The following TERT variants were observed in gnomAD, a reference collection of about 807,000 sequenced individuals.
TERT encodes the protein telomerase catalytic subunit.
TERT carries 42 observed loss-of-function variants against 104.0 expected under a neutral mutation model. The observed-to-expected ratio is 0.40, with a 90% CI of 0.32 to 0.52. The LOEUF is 0.52. Among genes scored for constraint, TERT ranks in the 20% least tolerant of loss-of-function variants. The pLI is 0.43. For synonymous variants in TERT, 781 were observed against 725.6 expected, an observed-to-expected ratio of 1.08 and a Z score of -1.23; for missense variants, 1,101 against 1,610.3, an observed-to-expected ratio of 0.68 and a Z score of 5.41.
In TERT at chr5:1,253,368, G is replaced by A. The variant is rs1747464263; in HGVS notation, c.*360C>T. On this transcript the variant is annotated 3_prime_UTR_variant, in exon 16 of 16. Transcript: ENST00000310581. Reference sequence around the variant, plus strand: ...GATGGTGGGGGTGGAAGGCAAAGGAGGGCAGGGCGAGGGGTGAACAATGGC... The same window carrying A: ...GATGGTGGGGGTGGAAGGCAAAGGAAGGCAGGGCGAGGGGTGAACAATGGC... 5 of 434,310 alleles carry A rather than the reference G, an allele frequency of 1.2e-5. No homozygotes were observed. Among genetic ancestry groups the A allele is most frequent in the Non-Finnish European group, 1.7e-5 (4 of 234,398 alleles). The allele number at this position is 434,310 out of a possible 1,614,324, so 26.9% of individuals were successfully genotyped here.
chr5:1,284,523 C>T (rs72491339), intron 2 of TERT, among the ~76,000 whole-genome samples: 12,686 of 93,380 alleles, frequency 0.14, no homozygotes, highest in East Asian at 0.19. Flanking sequence ...TCCAGACCTG[C>T]ACCATCCAGA....
At chr5:1,258,164 G>T (rs2126571872) in intron 13 of TERT, among the ~76,000 whole-genome samples, 1 of 152,320 alleles carries the variant, frequency 6.6e-6, no homozygotes, top group East Asian at 1.9e-4. Context: ...CCTTCCCGGG[G>T]GTGGGGCCAG....
chr5:1,294,034 A>AGAG lies in TERT; in HGVS notation c.849_851dup (p.Ser284dup). On this transcript the variant is annotated inframe_insertion, in exon 2 of 16. Coordinates refer to ENST00000310581, the MANE Select transcript of TERT (RefSeq NM_198253.3). ...GCGTGCCAGAGAGCGCACCCTCCAA[A>AGAG]GAGGTGGCTTCTTCGGCGGGTCTGG... 1 of 1,600,348 alleles carries AGAG rather than the reference A, an allele frequency of 6.2e-7. No homozygotes were observed. Among genetic ancestry groups the AGAG allele is most frequent in the Non-Finnish European group, 8.5e-7 (1 of 1,175,006 alleles).
chr5:1,294,154 A>C lies in TERT; in HGVS notation c.732T>G (p.Pro244=). ...LPKRPRRGAA[P]EPERTPVGQG... is the part of the protein sequence containing the mutation. ...GCCCAACGGGCGTCCGCTCCGGCTC[A>C]GGGGCAGCGCCACGCCTGGGCCTCT... The change falls in exon 2 of 16, where the codon CCT becomes CCG. Residue 244 remains proline (P), a synonymous_variant. Transcript: ENST00000310581. 1 of 1,581,844 alleles carries C rather than the reference A, an allele frequency of 6.3e-7. No homozygotes were observed. Among genetic ancestry groups the C allele is most frequent in the Non-Finnish European group, 8.6e-7 (1 of 1,166,986 alleles).
intron 6 of TERT, 95 bp from the exon 7 acceptor site, chr5:1,272,375 G>T: frequency 1.8e-6 from 2 of 1,118,900 alleles, no homozygotes; most frequent in Non-Finnish European, 2.7e-6. Context: ...TGGACCTGCG[G>T]CCAAGCCCGA....
chr5:1,281,749 C>T (rs2126647918), intron 3 of TERT, among the ~76,000 whole-genome samples: 1 of 152,266 alleles, frequency 6.6e-6, no homozygotes, highest in Middle Eastern at 3.4e-3. Flanking sequence ...CCTCTCATGA[C>T]CTAAATCCAA....
chr5:1,257,171 G>A lies in TERT; in HGVS notation c.3032+1427C>T, dbSNP rs542699249. On this transcript the variant is annotated intron_variant, in intron 13 of 15. Transcript: ENST00000310581. The surrounding 1 kb of genome is among the most constrained non-coding windows in gnomAD (Gnocchi z 5.6). Reference sequence around the variant, plus strand: ...GTCCCCACATGGGTGGGGAAACTCAGCCGCCCTGCCCTGAGCCCAGGCCCT... The same window carrying A: ...GTCCCCACATGGGTGGGGAAACTCAACCGCCCTGCCCTGAGCCCAGGCCCT... Among the ~76,000 whole-genome samples the A allele has an allele frequency of 5.3e-5, 8 of 152,176 alleles. No homozygotes were observed. Among genetic ancestry groups the A allele is most frequent in the Non-Finnish European group, 8.8e-5 (6 of 68,024 alleles).
Position 1,264,441 on chromosome 5 carries a change from C to G in TERT, c.2806G>C (p.Asp936His). 1.2e-6 allele frequency: 2 copies of G among 1,613,614 alleles called. No individual in the cohort carries two copies. Among genetic ancestry groups the G allele is most frequent in the Non-Finnish European group, 1.7e-6 (2 of 1,180,010 alleles). ...CTCTGCACCTCCAGGGTCCGGGTATCCAGCAGCAGGCCGCACCAGGGGAAT... is the reference window on the plus strand; with the variant it reads ...CTCTGCACCTCCAGGGTCCGGGTATGCAGCAGCAGGCCGCACCAGGGGAAT... ...GLFPWCGLLL[D>H]TRTLEVQSDY... Residue 936 changes from aspartate (D) to histidine (H), a missense_variant, in exon 11 of 16, where the codon GAT becomes CAT. Asp to His is a moderately conservative substitution (Grantham distance 81, BLOSUM62 -1). Around this residue, in one of 5 missense-constraint regions of TERT, gnomAD observed 463 missense variants for 797.5 expected, o/e 0.58. Transcript: ENST00000310581.
In TERT at chr5:1,294,109, C is replaced by A. The variant is rs746036694; in HGVS notation, c.777G>T (p.Pro259=). Residue 259 remains proline, a synonymous_variant, in exon 2 of 16, where the codon CCG becomes CCT. Coordinates refer to ENST00000310581, the MANE Select transcript of TERT (RefSeq NM_198253.3). ...GGTCACTCGGTCCACGCGTCCTGCC[C>A]GGGTGGGCCCAGGACCCCTGCCCAA... The part of the protein sequence containing the change: ...TPVGQGSWAH[P]GRTRGPSDRG... 4 of 1,585,246 alleles carry A rather than the reference C, an allele frequency of 2.5e-6. No homozygotes were observed. Among genetic ancestry groups the A allele is most frequent in the African/African-American group, 2.7e-5 (2 of 74,200 alleles).
intron 7 of TERT, among the ~76,000 whole-genome samples, 194 bp downstream of exon 7, chr5:1,271,991 C>T (rs370694145): frequency 3.9e-5 from 6 of 152,276 alleles, no homozygotes; most frequent in African/African-American, 1.4e-4. Context: ...TGCCTGAATG[C>T]AGCAGCTGTC....
In TERT at chr5:1,262,496, C is replaced by G. The variant is rs1183833076; in HGVS notation, c.2844-1896G>C. On this transcript the variant is annotated intron_variant, in intron 11 of 15. Transcript: ENST00000310581. This position sits in a 1 kb window ranked among gnomAD's most constrained non-coding sequence, Gnocchi z 5.6. ...CTGTTTTCTTCTCCCAGATGCCCTT[C>G]AAGCCTCTGCTGTATACTTCAGACA... Among the ~76,000 whole-genome samples the G allele has an allele frequency of 6.6e-6, 1 of 152,234 alleles. No individual in the cohort carries two copies. The highest frequency in any genetic ancestry group is 1.5e-5 in the Non-Finnish European group (1 of 68,044).
At chr5:1,254,344 G>T in intron 15 of TERT, 24 bp downstream of exon 15, 1 of 1,612,916 alleles carries the variant, frequency 6.2e-7, no homozygotes. Context: ...GGTGGGGCCC[G>T]CACTGGCCTC....
At chr5:1,254,294 G>A in intron 15 of TERT, 74 bp downstream of exon 15, 1 of 1,602,930 alleles carries the variant, frequency 6.2e-7, no homozygotes, top group Middle Eastern at 1.7e-4. Context: ...ATCTGAGGCT[G>A]CTCGCCCCAC....
Position 1,293,911 on chromosome 5 carries a change from G to T in TERT, c.975C>A (p.Tyr325Ter). The T allele has an allele frequency of 6.5e-7, 1 of 1,542,048 alleles. No individual in the cohort carries two copies. The highest frequency in any genetic ancestry group is 8.7e-7 in the Non-Finnish European group (1 of 1,147,122). Residue 325 changes from tyrosine to a stop codon, truncating the protein, a stop_gained, in exon 2 of 16, where the codon TAC (tyrosine) becomes TAA (stop). Coordinates refer to ENST00000310581, the MANE Select transcript of TERT (RefSeq NM_198253.3). LOFTEE classifies it high-confidence loss of function. ...RPWDTPCPPV[Y>*]AETKHFLYSS... ...AGTAGAGGAAGTGCTTGGTCTCGGC[G>T]TACACCGGGGGACAAGGCGTGTCCC...
At chr5:1,272,121 G>C in intron 7 of TERT, 64 bp downstream of exon 7, 1 of 1,323,982 alleles carries the variant, frequency 7.6e-7, no homozygotes, top group South Asian at 1.3e-5. Context: ...TGAGCCCAGT[G>C]ATTGCCCAGG....
rs1749428169 is a variant in TERT, at chr5:1,274,755, C to A, written c.2287-2475G>T. ...ACCGGTGCCACTCCACAGCCAGGGG[C>A]CTCGGGATCCCTGCTTTAGAGGGAA... is the stretch of plus-strand genomic sequence containing the variant. On this transcript the variant is annotated intron_variant, in intron 6 of 15. Transcript: ENST00000310581. The surrounding 1 kb of genome is among the most constrained non-coding windows in gnomAD (Gnocchi z 5.3). 6.6e-6 allele frequency among the ~76,000 whole-genome samples: 1 copy of A among 152,224 alleles called. No homozygotes were observed. The highest frequency in any genetic ancestry group is 1.5e-5 in the Non-Finnish European group (1 of 68,044).
chr5:1,294,915 G>A lies in TERT; in HGVS notation c.75C>T (p.Ala25=). 1 of 1,429,816 alleles carries A rather than the reference G, an allele frequency of 7.0e-7. No individual in the cohort carries two copies. The highest frequency in any genetic ancestry group is 9.1e-7 in the Non-Finnish European group (1 of 1,095,788). 88.6% of individuals were successfully genotyped at this position (1,429,816 alleles called of 1,614,324 possible). ...GGGGCCCCAGGCGCCGCACGAACGT[G>A]GCCAGCGGCAGCACCTCGCGGTAGT... The part of the protein sequence containing the change: ...RSHYREVLPL[A]TFVRRLGPQG... The change falls in exon 1 of 16, where the codon GCC becomes GCT. Residue 25 remains alanine (A), a synonymous_variant. Transcript: ENST00000310581.
In TERT at chr5:1,262,214, T is replaced by C. The variant is rs1025136672; in HGVS notation, c.2844-1614A>G. Among the ~76,000 whole-genome samples, 1 of 152,202 alleles carries C rather than the reference T, an allele frequency of 6.6e-6. No homozygotes were observed. The highest frequency in any genetic ancestry group is 1.5e-5 in the Non-Finnish European group (1 of 68,024). Reference sequence around the variant, plus strand: ...CTAGAATCTGCTCTGGTATATGCTGTAAAGACACAACTTATTTGCTTCCAG... The same window carrying C: ...CTAGAATCTGCTCTGGTATATGCTGCAAAGACACAACTTATTTGCTTCCAG... On this transcript the variant is annotated intron_variant, in intron 11 of 15. Transcript: ENST00000310581. This position sits in a 1 kb window ranked among gnomAD's most constrained non-coding sequence, Gnocchi z 5.6.
chr5:1,262,252 G>A lies in TERT; in HGVS notation c.2844-1652C>T, dbSNP rs567273432. ...TATTTGCTTCCAGTCAGTTTTCTCA[G>A]AAAAAAAAATTACACACACACTCTC... On this transcript the variant is annotated intron_variant, in intron 11 of 15. Transcript: ENST00000310581. This position sits in a 1 kb window ranked among gnomAD's most constrained non-coding sequence, Gnocchi z 5.6. Among the ~76,000 whole-genome samples, 1 of 151,504 alleles carries A rather than the reference G, an allele frequency of 6.6e-6. No individual in the cohort carries two copies. The highest frequency in any genetic ancestry group is 6.6e-5 in the Admixed American group (1 of 15,214).
Sources: allele counts gnomAD v4.1 joint callset (sites outside exome capture counted in the v4.1 genomes callset), GRCh38; gene constraint gnomAD v4.1.1; regional missense constraint gnomAD v4.1.1; non-coding constraint Gnocchi (gnomAD v3.1); transcripts MANE v1.5; gene names NCBI Gene and HGNC (gene_info 2026-07-23, HGNC 2026-07-21).